WDR4: variants seen among roughly 807,000 people sequenced by gnomAD.
WDR4 encodes the protein WDR4 tRNA N7-guanosine methyltransferase non-catalytic subunit, also known as tRNA (guanine-N(7)-)-methyltransferase non-catalytic subunit WDR4.
In WDR4, 47 loss-of-function variants were observed where a neutral mutation model predicts 48.6. The ratio of observed to expected loss-of-function variants is 0.97; its 90% confidence interval spans 0.77 to 1.23. The LOEUF is 1.23. Among genes scored for constraint, WDR4 ranks in the 50% most tolerant of loss-of-function variants. The pLI is 0.00. For missense variants in WDR4, 606 were observed against 551.6 expected (o/e 1.10, Z -0.99); for synonymous variants, 268 against 230.0 (o/e 1.17, Z -1.49).
intron 2 of WDR4, among the ~76,000 whole-genome samples, chr21:42,874,395 G>A (rs1161999968): frequency 2.6e-5 from 4 of 152,138 alleles, no homozygotes; most frequent in Non-Finnish European, 5.9e-5. Context: ...GAGCATGTGT[G>A]TTTGAACAAT....
chr21:42,873,711 G>T lies in WDR4; in HGVS notation c.156-20C>A. 1 of 1,610,712 alleles carries T rather than the reference G, an allele frequency of 6.2e-7. No individual in the cohort carries two copies. The highest frequency in any genetic ancestry group is 8.5e-7 in the Non-Finnish European group (1 of 1,178,060). On this transcript the variant is annotated intron_variant, in intron 2 of 10. Transcript: ENST00000398208. ...TCCTCCCTGAGGAAGAGAGGAGGAA[G>T]ACGGTTAAGCTTCACCTAAGGAAAT...
At chr21:42,874,224 A>C (rs1465447013) in intron 2 of WDR4, among the ~76,000 whole-genome samples, 2 of 152,174 alleles carry the variant, frequency 1.3e-5, no homozygotes, top group African/African-American at 4.8e-5. Context: ...CAATCCCTAA[A>C]CATAAATTGT....
chr21:42,854,086 A>C (rs1369096994), intron 8 of WDR4, among the ~76,000 whole-genome samples: 1 of 152,230 alleles, frequency 6.6e-6, no homozygotes, highest in South Asian at 2.1e-4. Flanking sequence ...AGACCTCCCC[A>C]GGCTGTCATA....
At chr21:42,863,415 C>T in intron 4 of WDR4, 25 bp downstream of exon 4, 1 of 1,597,920 alleles carries the variant, frequency 6.3e-7, no homozygotes, top group Non-Finnish European at 8.6e-7. Flanking sequence ...TGCCATGTCC[C>T]CCACCTACCA....
chr21:42,846,588 C>T (rs2057713218), downstream of WDR4, among the ~76,000 whole-genome samples: 1 of 152,198 alleles, frequency 6.6e-6, no homozygotes, highest in Admixed American at 6.5e-5. Context: ...TGGCTCGTGC[C>T]TGTAATCCCA....
chr21:42,861,881 C>T (rs752405549), intron 5 of WDR4, among the ~76,000 whole-genome samples: 4 of 152,218 alleles, frequency 2.6e-5, no homozygotes, highest in Admixed American at 2.6e-4. Flanking sequence ...AGAGACGCCG[C>T]CACCTGGCTG....
chr21:42,879,327 G>A (rs1274616591), intron 1 of WDR4, 80 bp downstream of exon 1: 2 of 1,565,128 alleles, frequency 1.3e-6, no homozygotes, highest in Non-Finnish European at 1.7e-6. Flanking sequence ...CGACCAGGCG[G>A]TGCGGGAGAA....
chr21:42,886,172 G>C, the WDR4 span, among the ~76,000 whole-genome samples: 10 of 152,008 alleles, frequency 6.6e-5, no homozygotes, highest in Non-Finnish European at 1.2e-4. Context: ...GGCCAGGCTG[G>C]TCTCGAACTC....
intron 6 of WDR4, among the ~76,000 whole-genome samples, chr21:42,857,029 C>T (rs1285605066): frequency 6.6e-6 from 1 of 152,068 alleles, no homozygotes; most frequent in African/African-American, 2.4e-5. Context: ...CAGAGAAGCC[C>T]GAGAGGTGCC....
At chr21:42,889,235 G>A in the WDR4 span, among the ~76,000 whole-genome samples, 1 of 152,024 alleles carries the variant, frequency 6.6e-6, no homozygotes, top group South Asian at 2.1e-4. Context: ...CGCCAACCTC[G>A]GCCTCCCAAA....
chr21:42,845,681 C>T (rs1031237173), downstream of WDR4, among the ~76,000 whole-genome samples: 4 of 152,314 alleles, frequency 2.6e-5, no homozygotes, highest in Middle Eastern at 3.4e-3. Context: ...CCGCCACAGC[C>T]GCAAACACTA....
intron 2 of WDR4, among the ~76,000 whole-genome samples, chr21:42,876,218 C>CTTTTTTTTTTTTTTTTTTTTT (rs373181618): frequency 9.4e-6 from 1 of 105,854 alleles, no homozygotes; most frequent in Admixed American, 8.9e-5. Flanking sequence ...ACACTGTACT[C>CTTTTTTTTTTTTTTTTTTTTT]TTTTTTTTTT....
intron 9 of WDR4, 122 bp from the exon 10 acceptor site, chr21:42,852,446 C>T: frequency 9.4e-7 from 1 of 1,066,062 alleles, no homozygotes; most frequent in Non-Finnish European, 1.4e-6. Context: ...TGCCTGGGGA[C>T]CCCCATTCAC....
chr21:42,872,420 G>A (rs2146091587), intron 3 of WDR4, among the ~76,000 whole-genome samples: 1 of 151,938 alleles, frequency 6.6e-6, no homozygotes, highest in African/African-American at 2.4e-5. Context: ...GACCAGCCTG[G>A]CCAATGTGGT....
chr21:42,875,654 TTA>T (rs1277978577), intron 2 of WDR4, among the ~76,000 whole-genome samples: 2 of 151,824 alleles, frequency 1.3e-5, no homozygotes, highest in South Asian at 2.1e-4. Context: ...CTGCAGGGAG[TTA>T]TGTTTGTGCA....
chr21:42,879,262 G>A, intron 1 of WDR4, 145 bp downstream of exon 1: 3 of 1,369,840 alleles, frequency 2.2e-6, no homozygotes, highest in Non-Finnish European at 2.8e-6. Flanking sequence ...CCGAGACTGC[G>A]GCGGAGGACT....
At chr21:42,861,941 G>A (rs368355185) in intron 5 of WDR4, among the ~76,000 whole-genome samples, 7 of 152,102 alleles carry the variant, frequency 4.6e-5, no homozygotes, top group Middle Eastern at 3.4e-3. Flanking sequence ...GTTCATCCTC[G>A]CCCCCAACAC....
At position 42,873,188 on chromosome 21, in the gene WDR4, C is replaced by T. The variant is rs1344068608; in HGVS notation, c.296+363G>A. 2.6e-5 allele frequency among the ~76,000 whole-genome samples: 4 copies of T among 152,198 alleles called. No homozygotes were observed. The East Asian group carries it at 7.7e-4, about 29-fold the overall frequency. On this transcript the variant is annotated intron_variant, in intron 3 of 10. Transcript: ENST00000398208. ...TCACTCTCCAGGGCAGGCTCACAGC[C>T]TTGTTCCTGCTAATCACAAGGACAG...
At chr21:42,867,835 G>C (rs761457541) in intron 3 of WDR4, among the ~76,000 whole-genome samples, 1 of 151,906 alleles carries the variant, frequency 6.6e-6, no homozygotes, top group Non-Finnish European at 1.5e-5. Context: ...AAAATGCTGG[G>C]ATTACAGGCA....
Sources: allele counts gnomAD v4.1 joint callset (sites outside exome capture counted in the v4.1 genomes callset), GRCh38; gene constraint gnomAD v4.1.1; transcripts MANE v1.5; gene names NCBI Gene and HGNC (gene_info 2026-07-23, HGNC 2026-07-21).